Variants in SNTG2 observed in about 807,000 individuals in gnomAD.
The protein encoded by SNTG2 is gamma-2-syntrophin.
Under a neutral mutation model 70.9 loss-of-function variants are expected in SNTG2, and 74 were observed. The ratio of observed to expected loss-of-function variants is 1.04; its 90% CI spans 0.86 to 1.27. The LOEUF (loss-of-function observed/expected upper bound fraction) is 1.27, where lower values mean the gene tolerates loss of function less well. Ranked by LOEUF, SNTG2 falls within the 50% of genes most tolerant of loss-of-function variation. The pLI, the probability that SNTG2 is intolerant of heterozygous loss-of-function variation, is 0.00. For missense variants in SNTG2, 717 were observed against 690.7 expected (o/e 1.04, Z -0.43); for synonymous variants, 278 against 273.8 (o/e 1.02, Z -0.15).
At chr2:1,004,985 A>G (rs981099426) in intron 1 of SNTG2, among the ~76,000 whole-genome samples, 1 of 152,240 alleles carries the variant, frequency 6.6e-6, no homozygotes, top group Non-Finnish European at 1.5e-5. Flanking sequence ...TCATCCAGTC[A>G]CTGTAATGTT....
At chr2:1,001,126 A>C (rs62106792) in intron 1 of SNTG2, among the ~76,000 whole-genome samples, 2 of 152,032 alleles carry the variant, frequency 1.3e-5, no homozygotes, top group South Asian at 4.1e-4. Flanking sequence ...CATAAAAATA[A>C]TAAGAGCCAT....
chr2:1,138,009 C>T (rs1218111223), intron 6 of SNTG2, among the ~76,000 whole-genome samples, 200 bp downstream of exon 6: 1 of 152,178 alleles, frequency 6.6e-6, no homozygotes, highest in Non-Finnish European at 1.5e-5. Flanking sequence ...GACTGGGGCA[C>T]TTCACGAGCA....
intron 9 of SNTG2, among the ~76,000 whole-genome samples, chr2:1,223,380 G>A (rs933260482): frequency 1.3e-5 from 2 of 151,196 alleles, no homozygotes; most frequent in Non-Finnish European, 3.0e-5. Context: ...GTGCTGAATC[G>A]CTGTAGAGGA....
intron 1 of SNTG2, among the ~76,000 whole-genome samples, chr2:1,035,497 A>G (rs748966368): frequency 6.6e-6 from 1 of 152,352 alleles, no homozygotes; most frequent in East Asian, 1.9e-4. Flanking sequence ...AGATGGACCA[A>G]AAAGGACTGG....
intron 4 of SNTG2, among the ~76,000 whole-genome samples, chr2:1,117,647 C>T (rs369078806): frequency 6.6e-6 from 1 of 152,144 alleles, no homozygotes. Context: ...CCAGGGTGAA[C>T]AGCAACAGCT....
At chr2:1,356,943 T>G (rs1660882594) in intron 16 of SNTG2, among the ~76,000 whole-genome samples, 2 of 152,116 alleles carry the variant, frequency 1.3e-5, no homozygotes, top group Admixed American at 6.5e-5. Flanking sequence ...TGGGTTTTTT[T>G]TTTTCTTAAT....
chr2:1,229,076 A>G (rs940687213), intron 9 of SNTG2, among the ~76,000 whole-genome samples: 1 of 152,150 alleles, frequency 6.6e-6, no homozygotes, highest in African/African-American at 2.4e-5. Flanking sequence ...GGACCCAAAG[A>G]GTGAGCAGTA....
chr2:1,308,479 G>T lies in SNTG2; in HGVS notation c.1285-15G>T, dbSNP rs947409322. ...TATTAAAGAATGTTTTCTCAAAATT[G>T]ATACTTTTTTCTAGTCCAGAACATA... On this transcript the variant is annotated splice_polypyrimidine_tract_variant and intron_variant, in intron 14 of 16. Coordinates refer to ENST00000308624, the MANE Select transcript of SNTG2 (RefSeq NM_018968.4). 6.5e-7 allele frequency: 1 copy of T among 1,548,654 alleles called. No homozygotes were observed. The highest frequency in any genetic ancestry group is 2.0e-5 in the Admixed American group (1 of 50,794).
chr2:1,305,757 G>A (rs1478034676), intron 14 of SNTG2, among the ~76,000 whole-genome samples: 1 of 152,188 alleles, frequency 6.6e-6, no homozygotes, highest in Non-Finnish European at 1.5e-5. Flanking sequence ...AGGTTCCTTA[G>A]ATGAAAGCTT....
At chr2:952,815 A>G (rs905516147) in intron 1 of SNTG2, among the ~76,000 whole-genome samples, 1 of 152,238 alleles carries the variant, frequency 6.6e-6, no homozygotes, top group African/African-American at 2.4e-5. Context: ...TTATGTATTT[A>G]AAACGAATCT....
At chr2:1,228,490 C>G (rs577498079) in intron 9 of SNTG2, among the ~76,000 whole-genome samples, 1 of 152,342 alleles carries the variant, frequency 6.6e-6, no homozygotes, top group South Asian at 2.1e-4. Context: ...CTTGGAGGGC[C>G]TGCTCTGGGC....
At chr2:1,111,652 G>A (rs1666447441) in intron 4 of SNTG2, among the ~76,000 whole-genome samples, 1 of 152,208 alleles carries the variant, frequency 6.6e-6, no homozygotes, top group Non-Finnish European at 1.5e-5. Context: ...AAAATGTCCA[G>A]TGTCCTTCAA....
chr2:1,220,404 C>T (rs1476314231), intron 9 of SNTG2, among the ~76,000 whole-genome samples: 2 of 152,214 alleles, frequency 1.3e-5, no homozygotes, highest in Non-Finnish European at 2.9e-5. Flanking sequence ...CTCAGGCCAG[C>T]AGCCCGCCAG....
chr2:974,839 A>G (rs1660857610), intron 1 of SNTG2, among the ~76,000 whole-genome samples: 1 of 151,930 alleles, frequency 6.6e-6, no homozygotes, highest in African/African-American at 2.4e-5. Context: ...ACACTCTCTG[A>G]CATTCTCTGT....
intron 16 of SNTG2, among the ~76,000 whole-genome samples, chr2:1,330,523 G>A (rs993473747): frequency 4.6e-5 from 7 of 152,124 alleles, no homozygotes; most frequent in East Asian, 3.9e-4. Context: ...CAGTTTGACC[G>A]TTCACAAGGA....
chr2:1,165,472 A>G, intron 6 of SNTG2, 76 bp from the exon 7 acceptor site: 1 of 1,307,730 alleles, frequency 7.6e-7, no homozygotes. Context: ...CAGGAGAGGT[A>G]GAGAGATTTT....
intron 9 of SNTG2, among the ~76,000 whole-genome samples, chr2:1,228,738 A>G (rs989385039): frequency 1.3e-5 from 2 of 152,186 alleles, no homozygotes; most frequent in South Asian, 2.1e-4. Context: ...CATGCAGGCT[A>G]CTGTGTCCAG....
At chr2:1,317,349 C>T (rs1171584185) in intron 16 of SNTG2, among the ~76,000 whole-genome samples, 1 of 103,806 alleles carries the variant, frequency 9.6e-6, no homozygotes, top group African/African-American at 3.4e-5. Context: ...GATTCTGGAA[C>T]ATTTAGCATG....
At chr2:1,181,027 TG>T (rs1205695567) in intron 8 of SNTG2, among the ~76,000 whole-genome samples, 1 of 151,274 alleles carries the variant, frequency 6.6e-6, no homozygotes, top group Admixed American at 6.6e-5. Context: ...TGAGAACACA[TG>T]GACACAGGAA....
Sources: gnomAD v4.1 joint callset for allele counts (sites outside exome capture counted in the v4.1 genomes callset) on GRCh38, gnomAD v4.1.1 for gene constraint, MANE v1.5 for transcripts, NCBI Gene and HGNC (gene_info 2026-07-23, HGNC 2026-07-21) for gene names.